CMIP: variants seen among roughly 807,000 people sequenced by gnomAD.
The protein encoded by CMIP is c-Maf inducing protein, also known as C-Maf-inducing protein.
CMIP carries 13 observed loss-of-function variants against 97.3 expected under a neutral mutation model. That is an observed-to-expected ratio of 0.13 (90% confidence interval 0.09 to 0.21). The LOEUF is 0.21. CMIP is among the 10% of genes least tolerant of loss of function. The probability of loss-of-function intolerance (pLI) is 1.00; values close to 1 mark genes in which losing one functional copy is unlikely to be tolerated. For synonymous variants in CMIP, 538 were observed against 436.3 expected, an observed-to-expected ratio of 1.23 and a Z score of -2.91; for missense variants, 847 against 1,024.9, an observed-to-expected ratio of 0.83 and a Z score of 2.37.
chr16:81,547,175 A>G (rs1314272004), intron 1 of CMIP, among the ~76,000 whole-genome samples: 1 of 151,946 alleles, frequency 6.6e-6, no homozygotes, highest in Non-Finnish European at 1.5e-5. Flanking sequence ...AGAGGAGGAG[A>G]GGGATAGCAT....
intron 6 of CMIP, among the ~76,000 whole-genome samples, chr16:81,661,647 G>C (rs1472128718): frequency 1.3e-5 from 2 of 152,158 alleles, no homozygotes; most frequent in East Asian, 3.9e-4. Context: ...GGAGAGGCGT[G>C]GGCTGTGTCC....
chr16:81,571,852 C>T (rs1358380590), intron 1 of CMIP, among the ~76,000 whole-genome samples: 1 of 152,232 alleles, frequency 6.6e-6, no homozygotes, highest in Admixed American at 6.5e-5. Flanking sequence ...GAAATAGCCT[C>T]TTGCACTAAC....
At chr16:81,503,488 C>G (rs947153176) in intron 1 of CMIP, among the ~76,000 whole-genome samples, 10 of 152,154 alleles carry the variant, frequency 6.6e-5, no homozygotes, top group African/African-American at 2.4e-4. Context: ...CCTTGACCCC[C>G]CAGGCTCAAG....
chr16:81,565,929 C>T (rs2090975336), intron 1 of CMIP, among the ~76,000 whole-genome samples: 1 of 152,186 alleles, frequency 6.6e-6, no homozygotes, highest in African/African-American at 2.4e-5. Flanking sequence ...GCCCCTGCGC[C>T]CTCCTTCACC....
chr16:81,512,810 C>A (rs1403947253), intron 1 of CMIP, among the ~76,000 whole-genome samples: 2 of 152,094 alleles, frequency 1.3e-5, no homozygotes, highest in East Asian at 3.9e-4. Context: ...GATCTCAGCT[C>A]ACTGCAACCT....
At chr16:81,615,172 T>C (rs986722341) in intron 2 of CMIP, among the ~76,000 whole-genome samples, 41 of 151,656 alleles carry the variant, frequency 2.7e-4, no homozygotes, top group African/African-American at 9.9e-4. Context: ...GTGTGGTGTA[T>C]GTGGTACGTG....
At chr16:81,657,867 C>T (rs544467216) in intron 5 of CMIP, 51 bp downstream of exon 5, 17 of 1,472,006 alleles carry the variant, frequency 1.2e-5, no homozygotes, top group Non-Finnish European at 1.5e-5. Flanking sequence ...CTCCTGGAGC[C>T]TACAACCCTT....
intron 1 of CMIP, chr16:81,476,187 C>A: frequency 7.8e-7 from 1 of 1,273,986 alleles, no homozygotes; most frequent in Non-Finnish European, 1.1e-6. Flanking sequence ...GTGTGGAAAA[C>A]TGGGAACCGT....
intron 1 of CMIP, among the ~76,000 whole-genome samples, chr16:81,457,590 T>A (rs1906632001): frequency 6.6e-6 from 1 of 152,226 alleles, no homozygotes; most frequent in Admixed American, 6.5e-5. Flanking sequence ...ACAAGCAGGC[T>A]CTGCCACATG....
At chr16:81,584,661 C>T (rs973754372) in intron 1 of CMIP, among the ~76,000 whole-genome samples, 3 of 152,130 alleles carry the variant, frequency 2.0e-5, no homozygotes, top group African/African-American at 7.2e-5. Flanking sequence ...GACTGAAGCT[C>T]ATGGAAATAA....
At chr16:81,496,091 A>G (rs548814634) in intron 1 of CMIP, among the ~76,000 whole-genome samples, 1 of 152,224 alleles carries the variant, frequency 6.6e-6, no homozygotes, top group African/African-American at 2.4e-5. Flanking sequence ...CAGGGTAGCA[A>G]GTGTAGTGGT....
chr16:81,664,130 A>T (rs2092577669), intron 6 of CMIP, 139 bp from the exon 7 acceptor site: 1 of 674,012 alleles, frequency 1.5e-6, no homozygotes, highest in Non-Finnish European at 2.4e-6. Context: ...ACTCATTTTT[A>T]GAAAGCAGTG....
chr16:81,689,790 C>G (rs1322408991), intron 10 of CMIP, among the ~76,000 whole-genome samples: 3 of 152,206 alleles, frequency 2.0e-5, no homozygotes, highest in Admixed American at 6.5e-5. Context: ...GGTTTTAGGT[C>G]TAACATTTAA....
chr16:81,697,743 G>C (rs1906907317), intron 14 of CMIP: 1 of 152,278 alleles, frequency 6.6e-6, no homozygotes, highest in South Asian at 2.1e-4. Context: ...GAACTCAGCA[G>C]AGATGTTTGT....
Position 81,615,483 on chromosome 16 carries a change from GGTGT to G in CMIP, c.427-5383_427-5380del, listed in dbSNP as rs926410085. Among the ~76,000 whole-genome samples the G allele has an allele frequency of 4.2e-5, 6 of 141,940 alleles. No individual in the cohort carries two copies. In the East Asian group the frequency reaches 6.6e-4, roughly 16 times the overall value. The allele number at this position is 141,940 out of a possible 152,430, so 93.1% of individuals were successfully genotyped here. ...GTGGTGTATGTGTATTTGTGTGTGT[GGTGT>G]GTGTGTGTGGTGTGTGTGTCTGTGT... On this transcript the variant is annotated intron_variant, in intron 2 of 20. Transcript: ENST00000537098.
At chr16:81,639,045 T>C (rs956792025) in intron 3 of CMIP, among the ~76,000 whole-genome samples, 1 of 152,092 alleles carries the variant, frequency 6.6e-6, no homozygotes, top group Non-Finnish European at 1.5e-5. Context: ...AGTCCAGGAT[T>C]GTTCCTGTGT....
chr16:81,657,603 C>A (rs1055123901), intron 4 of CMIP, among the ~76,000 whole-genome samples, 172 bp from the exon 5 acceptor site: 1 of 152,172 alleles, frequency 6.6e-6, no homozygotes, highest in Non-Finnish European at 1.5e-5. Flanking sequence ...TCCCCCTTCC[C>A]GACCTTGCCC....
chr16:81,595,726 C>CT (rs889080437), intron 1 of CMIP, among the ~76,000 whole-genome samples: 12 of 151,990 alleles, frequency 7.9e-5, no homozygotes, highest in South Asian at 2.1e-4. Flanking sequence ...GTGGTAATGT[C>CT]TTTTTTTTAT....
chr16:81,515,324 A>G (rs562477701), intron 1 of CMIP, among the ~76,000 whole-genome samples: 2 of 152,304 alleles, frequency 1.3e-5, no homozygotes, highest in Non-Finnish European at 2.9e-5. Context: ...TCTGATTCTC[A>G]TCCTTGAAGC....
Sources: allele counts gnomAD v4.1 joint callset (sites outside exome capture counted in the v4.1 genomes callset), GRCh38; gene constraint gnomAD v4.1.1; transcripts MANE v1.5; gene names NCBI Gene and HGNC (gene_info 2026-07-23, HGNC 2026-07-21).